The following POLR3D variants were observed in gnomAD, a reference collection of about 807,000 sequenced individuals.
The protein encoded by POLR3D is RNA polymerase III subunit D, also known as DNA-directed RNA polymerase III subunit RPC4.
A neutral mutation model predicts 44.5 loss-of-function variants in POLR3D; 42 were observed. The observed-to-expected ratio is 0.94, with a 90% CI of 0.74 to 1.22. The LOEUF (loss-of-function observed/expected upper bound fraction) is 1.22. Ranked by LOEUF, POLR3D falls within the 50% of genes most tolerant of loss-of-function variation. The pLI, the probability that POLR3D is intolerant of heterozygous loss-of-function variation, is 0.00. For synonymous variants in POLR3D, 217 were observed against 198.1 expected (o/e 1.10, Z -0.80); for missense variants, 507 against 505.2 (o/e 1.00, Z -0.03).
rs1377695835 is a variant in POLR3D, at chr8:22,253,352, T to G, written c.*2834T>G. On this transcript the variant is annotated 3_prime_UTR_variant, in exon 9 of 9. Coordinates refer to ENST00000306433, the MANE Select transcript of POLR3D (RefSeq NM_001722.3). Reference sequence around the variant, plus strand: ...CAGCAACCTCCCCCCTGTCTCTTTATAGAGTGGGGCCACGTGCCCACTCTT... The same window carrying G: ...CAGCAACCTCCCCCCTGTCTCTTTAGAGAGTGGGGCCACGTGCCCACTCTT... The G allele has an allele frequency of 6.6e-6, 1 of 152,264 alleles. No individual in the cohort carries two copies. The highest frequency in any genetic ancestry group is 2.4e-5 in the African/African-American group (1 of 41,452). The allele number at this position is 152,264 out of a possible 1,614,324, so 9.4% of individuals were successfully genotyped here.
rs1362021407 is a variant in POLR3D at position 22,249,100 on chromosome 8, G to C, written c.712G>C (p.Ala238Pro). ...EEAKMKAPPK[A>P]ARKTPGLPKD... ...GGCCAAGATGAAGGCTCCTCCCAAA[G>C]CAGCCAGGAAGACTCCAGGCCTCCC... Residue 238 changes from alanine (A) to proline (P), a missense_variant, in exon 7 of 9, where the codon GCA becomes CCA. Coordinates refer to ENST00000306433, the MANE Select transcript of POLR3D (RefSeq NM_001722.3). 1.9e-6 allele frequency: 3 copies of C among 1,613,892 alleles called. No individual in the cohort carries two copies. Among genetic ancestry groups the C allele is most frequent in the African/African-American group, 2.7e-5 (2 of 74,884 alleles).
At position 22,248,479 on chromosome 8, in the gene POLR3D, A is replaced by T. The variant is rs151212103; in HGVS notation, c.487-2A>T. On this transcript the variant is annotated splice_acceptor_variant, in intron 5 of 8. Coordinates refer to ENST00000306433, the MANE Select transcript of POLR3D (RefSeq NM_001722.3). LOFTEE classifies it high-confidence loss of function. Reference sequence around the variant, plus strand: ...CTGGATGACCCAGACTCTCTTTGGCAGTTCCTCGATGACCCCGGCCTGAGG... The same window carrying T: ...CTGGATGACCCAGACTCTCTTTGGCTGTTCCTCGATGACCCCGGCCTGAGG... 1 of 1,613,636 alleles carries T rather than the reference A, an allele frequency of 6.2e-7. No homozygotes were observed. Among genetic ancestry groups the T allele is most frequent in the Non-Finnish European group, 8.5e-7 (1 of 1,179,810 alleles).
chr8:22,249,165 C>T lies in POLR3D; in HGVS notation c.777C>T (p.Ser259=). The T allele has an allele frequency of 6.2e-7, 1 of 1,614,056 alleles. No individual in the cohort carries two copies. Among genetic ancestry groups the T allele is most frequent in the Non-Finnish European group, 8.5e-7 (1 of 1,179,982 alleles). ...TGGCAGAGCTGCTGAGGGAGCTGAG[C>T]CTCACCAAGGAAGAGGAACTGCTGT... ...VSVAELLREL[S]LTKEEELLFL... The change falls in exon 7 of 9, where the codon AGC becomes AGT. Residue 259 remains serine (S), a synonymous_variant. Transcript: ENST00000306433.
chr8:22,245,772 A>T (rs1267082625), intron 2 of POLR3D, among the ~76,000 whole-genome samples, 158 bp downstream of exon 2: 2 of 152,214 alleles, frequency 1.3e-5, no homozygotes, highest in Non-Finnish European at 2.9e-5. Context: ...CCTACCTTCA[A>T]ATCTAGGTAC....
At position 22,247,256 on chromosome 8, in the gene POLR3D, C is replaced by G. The variant is rs1161232071; in HGVS notation, c.201C>G (p.Ile67Met). The change falls in exon 3 of 9, where the codon ATC becomes ATG. Residue 67 changes from isoleucine to methionine, a missense_variant. Ile to Met is a conservative substitution (Grantham distance 10, BLOSUM62 1). Coordinates refer to ENST00000306433, the MANE Select transcript of POLR3D (RefSeq NM_001722.3). ...CCCCAAATATCATCAGTCGGAAGATCAAGGAAGAGTAAGTAGCTAGGCCTT... is the reference window on the plus strand; with the variant it reads ...CCCCAAATATCATCAGTCGGAAGATGAAGGAAGAGTAAGTAGCTAGGCCTT... Reference protein sequence around the residue: ...TFTPNIISRKIKEEPKEEVTV... With the variant: ...TFTPNIISRKMKEEPKEEVTV... 2 of 1,613,076 alleles carry G rather than the reference C, an allele frequency of 1.2e-6. No individual in the cohort carries two copies. Among genetic ancestry groups the G allele is most frequent in the Admixed American group, 1.7e-5 (1 of 59,958 alleles).
rs994693482 is a variant in POLR3D, at chr8:22,250,641, A to G, written c.*123A>G. 1.6e-6 allele frequency: 2 copies of G among 1,257,976 alleles called. No homozygotes were observed. Among genetic ancestry groups the G allele is most frequent in the African/African-American group, 2.9e-5 (2 of 68,124 alleles). 77.9% of individuals were successfully genotyped at this position (1,257,976 alleles called of 1,614,324 possible). On this transcript the variant is annotated 3_prime_UTR_variant, in exon 9 of 9. Coordinates refer to ENST00000306433, the MANE Select transcript of POLR3D (RefSeq NM_001722.3). ...AGCCCACTCACTCCAGCCTTTGGCAACCATTGTTCCAGGTCCCCCAGGGCT... is the reference window on the plus strand; with the variant it reads ...AGCCCACTCACTCCAGCCTTTGGCAGCCATTGTTCCAGGTCCCCCAGGGCT...
chr8:22,247,140 T>C (rs1338348267), intron 2 of POLR3D, 81 bp from the exon 3 acceptor site: 4 of 1,044,540 alleles, frequency 3.8e-6, no homozygotes, highest in Non-Finnish European at 5.9e-6. Context: ...CTGTAGAAGA[T>C]GCCCTTTGGG....
At position 22,250,795 on chromosome 8, in the gene POLR3D, TC is replaced by T; in HGVS notation, c.*279del. ...TGTCTTAATCTCTTCCACTGATGCATCCTCCAAGGGTAGATGGGGAGGGTCT... is the reference window on the plus strand; with the variant it reads ...TGTCTTAATCTCTTCCACTGATGCATCTCCAAGGGTAGATGGGGAGGGTCT... On this transcript the variant is annotated 3_prime_UTR_variant, in exon 9 of 9. Coordinates refer to ENST00000306433, the MANE Select transcript of POLR3D (RefSeq NM_001722.3). 1.9e-5 allele frequency: 8 copies of T among 419,110 alleles called. No individual in the cohort carries two copies. Among genetic ancestry groups the T allele is most frequent in the South Asian group, 1.8e-4 (8 of 44,154 alleles). 26.0% of individuals were successfully genotyped at this position (419,110 alleles called of 1,614,324 possible). A position where few individuals can be genotyped will look rare whatever the true frequency, so the allele number is the denominator to read the frequency against.
rs1830123087 is a variant in POLR3D at position 22,253,664 on chromosome 8, A to G, written c.*3146A>G. The G allele has an allele frequency of 6.6e-6, 1 of 152,182 alleles. No homozygotes were observed. The highest frequency in any genetic ancestry group is 1.5e-5 in the Non-Finnish European group (1 of 68,040). The allele number at this position is 152,182 out of a possible 1,614,324, so 9.4% of individuals were successfully genotyped here. A position where few individuals can be genotyped will look rare whatever the true frequency, so the allele number is the denominator to read the frequency against. ...TTTTAGATTCAGCAGGTACATGAGC[A>G]TGTTAGTTTTGTTTTGTTTTGTTTT... On this transcript the variant is annotated 3_prime_UTR_variant, in exon 9 of 9. Transcript: ENST00000306433.
chr8:22,247,248 C>A lies in POLR3D; in HGVS notation c.193C>A (p.Arg65=). The A allele has an allele frequency of 1.9e-6, 3 of 1,613,260 alleles. No individual in the cohort carries two copies. The highest frequency in any genetic ancestry group is 2.5e-6 in the Non-Finnish European group (3 of 1,179,338). ...KKTFTPNIIS[R]KIKEEPKEEV... ...AACCTTCACCCCAAATATCATCAGT[C>A]GGAAGATCAAGGAAGAGTAAGTAGC... The change falls in exon 3 of 9, where the codon CGG becomes AGG. Residue 65 remains arginine (R), a synonymous_variant. Coordinates refer to ENST00000306433, the MANE Select transcript of POLR3D (RefSeq NM_001722.3).
At position 22,250,964 on chromosome 8, in the gene POLR3D, C is replaced by T. The variant is rs1029971276; in HGVS notation, c.*446C>T. ...AAGGATTGAGTCTGAGACTTAAGCA[C>T]TCGGTCCCAGCTTGCCAGTTCCTGG... On this transcript the variant is annotated 3_prime_UTR_variant, in exon 9 of 9. Coordinates refer to ENST00000306433, the MANE Select transcript of POLR3D (RefSeq NM_001722.3). 5.4e-6 allele frequency: 1 copy of T among 185,766 alleles called. No individual in the cohort carries two copies. The highest frequency in any genetic ancestry group is 1.2e-5 in the Non-Finnish European group (1 of 86,082). 11.5% of individuals were successfully genotyped at this position (185,766 alleles called of 1,614,324 possible). A position where few individuals can be genotyped will look rare whatever the true frequency, so the allele number is the denominator to read the frequency against.
rs370412352 is a variant in POLR3D at position 22,247,841 on chromosome 8, C to T, written c.210-16C>T. On this transcript the variant is annotated splice_polypyrimidine_tract_variant and intron_variant, in intron 3 of 8. Transcript: ENST00000306433. ...CAGTGAGTGAGTGGTTTCCCTTAAT[C>T]CATTCTTTTTTCCAGGCCCAAGGAA... 4 of 1,611,490 alleles carry T rather than the reference C, an allele frequency of 2.5e-6. No individual in the cohort carries two copies. In the South Asian group the frequency reaches 4.4e-5, roughly 18 times the overall value.
chr8:22,248,275 C>T lies in POLR3D; in HGVS notation c.483C>T (p.Asp161=), dbSNP rs192534854. ...AGATCTTGCGTATGCTGGAGAAGGA[C>T]GATGTGGGTACCAGGAGGCTGGGGG... is the stretch of plus-strand genomic sequence containing the variant. ...TKQILRMLEK[D]DFLDDPGLRN... is the part of the protein sequence containing the mutation. The change falls in exon 5 of 9, where the codon GAC becomes GAT. Residue 161 remains aspartate, a synonymous_variant. Transcript: ENST00000306433. The T allele has an allele frequency of 5.0e-6, 8 of 1,613,572 alleles. No individual in the cohort carries two copies. In the East Asian group the frequency reaches 1.1e-4, roughly 22 times the overall value.
In POLR3D at chr8:22,253,332, A is replaced by G. The variant is rs916217072; in HGVS notation, c.*2814A>G. 2.6e-5 allele frequency: 4 copies of G among 151,768 alleles called. No individual in the cohort carries two copies. The highest frequency in any genetic ancestry group is 7.3e-5 in the African/African-American group (3 of 41,292). 9.4% of individuals were successfully genotyped at this position (151,768 alleles called of 1,614,324 possible). On this transcript the variant is annotated 3_prime_UTR_variant, in exon 9 of 9. Coordinates refer to ENST00000306433, the MANE Select transcript of POLR3D (RefSeq NM_001722.3). ...GGAATAACCGTCAGCAGCTCCAGCA[A>G]CCTCCCCCCTGTCTCTTTATAGAGT...
rs1830111624 is a variant in POLR3D, at chr8:22,252,303, A to G, written c.*1785A>G. The G allele has an allele frequency of 6.5e-6, 1 of 153,658 alleles. No individual in the cohort carries two copies. The highest frequency in any genetic ancestry group is 2.1e-4 in the South Asian group (1 of 4,822). 9.5% of individuals were successfully genotyped at this position (153,658 alleles called of 1,614,324 possible). ...TGGGCTCCAGCCCTTTCTTCCTTTA[A>G]ATAGCTGATGCACGGCCAGCAGGTC... On this transcript the variant is annotated 3_prime_UTR_variant, in exon 9 of 9. Transcript: ENST00000306433.
At position 22,250,057 on chromosome 8, in the gene POLR3D, C is replaced by T. The variant is rs1343489153; in HGVS notation, c.922-18C>T. 2 of 1,613,654 alleles carry T rather than the reference C, an allele frequency of 1.2e-6. No homozygotes were observed. Among genetic ancestry groups the T allele is most frequent in the Admixed American group, 3.3e-5 (2 of 59,988 alleles). On this transcript the variant is annotated intron_variant, in intron 7 of 8. Coordinates refer to ENST00000306433, the MANE Select transcript of POLR3D (RefSeq NM_001722.3). ...AAGAGCTCCTAGCCCAGTGTCCATC[C>T]TCTGGTTTTCTCCGCAGGAAGCCAA...
chr8:22,248,786 C>CTG (rs1830069552), intron 6 of POLR3D, 137 bp downstream of exon 6: 6 of 929,828 alleles, frequency 6.5e-6, no homozygotes, highest in Non-Finnish European at 4.9e-6. Context: ...GATACATGAG[C>CTG]TGAACAAAGA....
Position 22,248,545 on chromosome 8 carries a change from A to C in POLR3D, c.551A>C (p.His184Pro). 6.2e-7 allele frequency: 1 copy of C among 1,614,156 alleles called. No individual in the cohort carries two copies. Among genetic ancestry groups the C allele is most frequent in the East Asian group, 2.2e-5 (1 of 44,878 alleles). Residue 184 changes from histidine (H) to proline (P), a missense_variant, in exon 6 of 9, where the codon CAC (histidine) becomes CCC (proline). By Grantham distance (77) the His-to-Pro change is moderately conservative. Coordinates refer to ENST00000306433, the MANE Select transcript of POLR3D (RefSeq NM_001722.3). ...RNMPVQLPLA[H>P]SGWLFKEEND... ...ATGCCTGTGCAGCTGCCGCTGGCTC[A>C]CTCAGGATGGCTTTTTAAGGAAGAA...
rs773377012 is a variant in POLR3D at position 22,248,291 on chromosome 8, A to G, written c.486+13A>G. 2 of 1,612,756 alleles carry G rather than the reference A, an allele frequency of 1.2e-6. No individual in the cohort carries two copies. Among genetic ancestry groups the G allele is most frequent in the Non-Finnish European group, 1.7e-6 (2 of 1,179,272 alleles). ...GGAGAAGGACGATGTGGGTACCAGG[A>G]GGCTGGGGGAAGGGGTTTCCTTGTG... On this transcript the variant is annotated intron_variant, in intron 5 of 8. Transcript: ENST00000306433.
Sources: gnomAD v4.1 joint callset for allele counts (sites outside exome capture counted in the v4.1 genomes callset) on GRCh38, gnomAD v4.1.1 for gene constraint, MANE v1.5 for transcripts, NCBI Gene and HGNC (gene_info 2026-07-23, HGNC 2026-07-21) for gene names.